Variants in CCDC169 observed in about 807,000 individuals in gnomAD.
CCDC169 encodes coiled-coil domain-containing protein 169.
CCDC169 carries 30 observed loss-of-function variants against 36.0 expected under a neutral mutation model. The observed-to-expected ratio is 0.83, with a 90% CI of 0.62 to 1.13. The LOEUF (loss-of-function observed/expected upper bound fraction) is 1.13, where lower values mean the gene tolerates loss of function less well. CCDC169 is among the 50% of genes most tolerant of loss of function. The probability of loss-of-function intolerance (pLI) is 0.00; values close to 1 mark genes in which losing one functional copy is unlikely to be tolerated. For synonymous variants in CCDC169, 85 were observed against 81.5 expected (o/e 1.04, Z -0.23); for missense variants, 245 against 245.9 (o/e 1.00, Z 0.03).
intron 7 of CCDC169, among the ~76,000 whole-genome samples, chr13:36,243,387 C>T (rs918154173): frequency 1.3e-5 from 2 of 151,962 alleles, no homozygotes; most frequent in African/African-American, 4.8e-5. Context: ...GTAATCTCAG[C>T]TATTTGGGAG....
At chr13:36,265,909 C>A (rs1243991063) in intron 4 of CCDC169, among the ~76,000 whole-genome samples, 1 of 152,158 alleles carries the variant, frequency 6.6e-6, no homozygotes, top group African/African-American at 2.4e-5. Flanking sequence ...CTCTAGGAAT[C>A]AACGTTAACT....
At chr13:36,229,119 A>C (rs1439647455), downstream of CCDC169, among the ~76,000 whole-genome samples, 1 of 152,200 alleles carries the variant, frequency 6.6e-6, no homozygotes, top group Non-Finnish European at 1.5e-5. Flanking sequence ...ACTATAAAGA[A>C]GTAAAGAAAT....
Position 36,254,125 on chromosome 13 carries a change from G to T in CCDC169, c.334C>A (p.Leu112Ile). Residue 112 changes from leucine to isoleucine, a missense_variant, in exon 5 of 8, where the codon CTT becomes ATT. Physicochemically the swap from Leu to Ile is conservative, Grantham distance 5. Coordinates refer to ENST00000239859, the MANE Select transcript of CCDC169 (RefSeq NM_001144981.3). ...RMPVESLNTL[L>I]KQLEEEKKTL... ...TTCTTTTCTTCTTCTAGCTGTTTAAGTAATGTGTTTAAGGATTCCTAAAAA... is the reference window on the plus strand; with the variant it reads ...TTCTTTTCTTCTTCTAGCTGTTTAATTAATGTGTTTAAGGATTCCTAAAAA... The T allele has an allele frequency of 1.3e-6, 2 of 1,542,462 alleles. No homozygotes were observed. The highest frequency in any genetic ancestry group is 1.7e-6 in the Non-Finnish European group (2 of 1,143,702).
intron 4 of CCDC169, among the ~76,000 whole-genome samples, chr13:36,278,108 TG>T (rs1467310221): frequency 6.6e-6 from 1 of 152,208 alleles, no homozygotes; most frequent in Non-Finnish European, 1.5e-5. Context: ...CCAAGTTGAT[TG>T]GGGTTAATTT....
At chr13:36,253,340 CT>C (rs368617005) in intron 6 of CCDC169, among the ~76,000 whole-genome samples, 87,183 of 145,140 alleles carry the variant, frequency 0.6, 26,943 homozygotes, top group African/African-American at 0.76. Flanking sequence ...GTCCTTTTTA[CT>C]TTTTTTTTTT....
chr13:36,271,016 C>A (rs1432261520), intron 4 of CCDC169, among the ~76,000 whole-genome samples: 1 of 152,046 alleles, frequency 6.6e-6, no homozygotes, highest in African/African-American at 2.4e-5. Context: ...TATTTGCAAA[C>A]CACACATCTG....
At chr13:36,240,668 T>A in intron 7 of CCDC169, 2 of 1,259,844 alleles carry the variant, frequency 1.6e-6, no homozygotes, top group Non-Finnish European at 2.1e-6. Context: ...ACTTTAAAAC[T>A]GTTCATAAGC....
At chr13:36,238,470 T>G (rs561450622) in intron 7 of CCDC169, among the ~76,000 whole-genome samples, 2 of 152,300 alleles carry the variant, frequency 1.3e-5, no homozygotes, top group East Asian at 3.9e-4. Flanking sequence ...TAAAAAATTT[T>G]TTTAAATGTG....
chr13:36,271,757 G>C (rs967984321), intron 4 of CCDC169, among the ~76,000 whole-genome samples: 4 of 151,964 alleles, frequency 2.6e-5, no homozygotes, highest in Admixed American at 6.6e-5. Flanking sequence ...GATGCAGAAG[G>C]GGGTGGCTGG....
At position 36,261,839 on chromosome 13, in the gene CCDC169, G is replaced by T. The variant is rs370122730; in HGVS notation, c.316-7696C>A. Among the ~76,000 whole-genome samples the T allele has an allele frequency of 1.8e-4, 27 of 152,290 alleles. 2 individuals carry two copies. The East Asian group carries it at 3.7e-3, about 21-fold the overall frequency. ...AACTGAACATTAGAAACATGCCACT[G>T]GGAACTTGCTGGTTGGAATTTACTG... is the stretch of plus-strand genomic sequence containing the variant. On this transcript the variant is annotated intron_variant, in intron 4 of 7. Transcript: ENST00000239859.
chr13:36,275,564 C>A (rs1454716687), intron 4 of CCDC169, among the ~76,000 whole-genome samples: 1 of 152,160 alleles, frequency 6.6e-6, no homozygotes, highest in Non-Finnish European at 1.5e-5. Flanking sequence ...AACCTCAATA[C>A]TTTAAAAATA....
chr13:36,243,204 C>T (rs777807759), intron 7 of CCDC169, among the ~76,000 whole-genome samples: 2 of 152,134 alleles, frequency 1.3e-5, no homozygotes, highest in African/African-American at 2.4e-5. Flanking sequence ...AGAACTCTCG[C>T]TAATAAACTT....
At chr13:36,248,015 G>A (rs1401513305) in intron 7 of CCDC169, among the ~76,000 whole-genome samples, 1 of 152,070 alleles carries the variant, frequency 6.6e-6, no homozygotes, top group Non-Finnish European at 1.5e-5. Flanking sequence ...GATCCATCAG[G>A]AGCCATCAAC....
In CCDC169 at chr13:36,254,120, T is replaced by A; in HGVS notation, c.339A>T (p.Lys113Asn). 1.3e-6 allele frequency: 2 copies of A among 1,544,122 alleles called. No individual in the cohort carries two copies. Among genetic ancestry groups the A allele is most frequent in the Non-Finnish European group, 1.7e-6 (2 of 1,144,362 alleles). ...GAGTCTTCTTTTCTTCTTCTAGCTG[T>A]TTAAGTAATGTGTTTAAGGATTCCT... ...MPVESLNTLLKQLEEEKKTLE... is the reference protein window; with the variant it reads ...MPVESLNTLLNQLEEEKKTLE... Residue 113 changes from lysine to asparagine, a missense_variant, in exon 5 of 8, where the codon AAA becomes AAT. Coordinates refer to ENST00000239859, the MANE Select transcript of CCDC169 (RefSeq NM_001144981.3).
Position 36,230,965 on chromosome 13 carries a change from A to C in CCDC169, c.*228T>G. ...AATGATGCCAGCCTTCAGATTCCCT[A>C]GGATATTTTAAAACTCTCAAGCACT... On this transcript the variant is annotated 3_prime_UTR_variant, in exon 8 of 8. Transcript: ENST00000239859. The C allele has an allele frequency of 1.6e-6, 2 of 1,254,208 alleles. No homozygotes were observed. The highest frequency in any genetic ancestry group is 2.0e-6 in the Non-Finnish European group (2 of 998,322). 77.7% of individuals were successfully genotyped at this position (1,254,208 alleles called of 1,614,324 possible).
intron 7 of CCDC169, among the ~76,000 whole-genome samples, chr13:36,233,431 G>T (rs1870684370): frequency 6.6e-6 from 1 of 151,948 alleles, no homozygotes; most frequent in Non-Finnish European, 1.5e-5. Flanking sequence ...AAGAAAACAT[G>T]GCTCTTATAC....
intron 4 of CCDC169, among the ~76,000 whole-genome samples, chr13:36,275,172 A>G (rs1876627942): frequency 6.6e-6 from 1 of 151,972 alleles, no homozygotes; most frequent in East Asian, 1.9e-4. Context: ...CGGCCTGCAT[A>G]TTATTTTTAA....
intron 4 of CCDC169, among the ~76,000 whole-genome samples, chr13:36,255,297 C>A (rs1050080883): frequency 6.6e-6 from 1 of 152,148 alleles, no homozygotes; most frequent in African/African-American, 2.4e-5. Flanking sequence ...GTTCTCCATG[C>A]AGTTCAGATA....
At chr13:36,238,159 C>T (rs1871309221) in intron 7 of CCDC169, among the ~76,000 whole-genome samples, 1 of 152,174 alleles carries the variant, frequency 6.6e-6, no homozygotes, top group Non-Finnish European at 1.5e-5. Context: ...CTCATTCATA[C>T]AGGCTTTCTT....
Sources: gnomAD v4.1 joint callset for allele counts (sites outside exome capture counted in the v4.1 genomes callset) on GRCh38, gnomAD v4.1.1 for gene constraint, MANE v1.5 for transcripts, NCBI Gene and HGNC (gene_info 2026-07-23, HGNC 2026-07-21) for gene names.